The following MACROD2 variants were observed in gnomAD, a reference collection of about 807,000 sequenced individuals.
The protein encoded by MACROD2 is mono-ADP ribosylhydrolase 2.
In MACROD2, 36 loss-of-function variants were observed where a neutral mutation model predicts 70.4. That is an observed-to-expected ratio of 0.51 (90% CI 0.39 to 0.68). The LOEUF (loss-of-function observed/expected upper bound fraction) is 0.68. Among genes scored for constraint, MACROD2 ranks in the 30% least tolerant of loss-of-function variants. MACROD2 has a pLI of 0.00. For missense variants in MACROD2, 496 were observed against 538.4 expected (o/e 0.92, Z 0.78); for synonymous variants, 172 against 178.8 (o/e 0.96, Z 0.30).
chr20:15,222,333 G>A (rs17368757), intron 5 of MACROD2, among the ~76,000 whole-genome samples: 30,264 of 152,054 alleles, frequency 0.2, 3,233 homozygotes, highest in Non-Finnish European at 0.24. Flanking sequence ...AACAAACTTC[G>A]AAATGTGTAT....
intron 6 of MACROD2, among the ~76,000 whole-genome samples, chr20:15,286,094 G>T (rs1022965127): frequency 6.6e-6 from 1 of 152,108 alleles, no homozygotes; most frequent in Non-Finnish European, 1.5e-5. Context: ...TTAAAATGCT[G>T]AGAGAGAAAG....
intron 6 of MACROD2, among the ~76,000 whole-genome samples, chr20:15,393,898 TC>T (rs1252599373): frequency 2.0e-5 from 3 of 152,096 alleles, no homozygotes; most frequent in East Asian, 1.9e-4. Flanking sequence ...TGTATGCATG[TC>T]CCCCCCATGC....
intron 5 of MACROD2, among the ~76,000 whole-genome samples, chr20:15,159,308 C>T (rs927443632): frequency 1.7e-4 from 26 of 152,072 alleles, no homozygotes; most frequent in African/African-American, 5.8e-4. Flanking sequence ...TAGGTTCATT[C>T]TCTGCCTTTT....
intron 6 of MACROD2, among the ~76,000 whole-genome samples, chr20:15,411,775 T>C (rs1395139611): frequency 1.3e-5 from 2 of 152,226 alleles, no homozygotes; most frequent in Admixed American, 1.3e-4. Flanking sequence ...TCTTGCAAGC[T>C]CATTCTTCAT....
intron 3 of MACROD2, among the ~76,000 whole-genome samples, chr20:14,375,497 A>G (rs1443189835): frequency 1.3e-5 from 2 of 152,174 alleles, no homozygotes; most frequent in African/African-American, 4.8e-5. Flanking sequence ...ATCACATACT[A>G]TAAAGGTAGA....
chr20:15,259,222 A>G (rs1414335457), intron 6 of MACROD2, among the ~76,000 whole-genome samples: 1 of 152,014 alleles, frequency 6.6e-6, no homozygotes, highest in East Asian at 1.9e-4. Context: ...GCAATAGCAT[A>G]TGAGACAGAG....
At chr20:16,036,302 A>G (rs1370587779) in intron 15 of MACROD2, among the ~76,000 whole-genome samples, 4 of 150,656 alleles carry the variant, frequency 2.7e-5, no homozygotes, top group African/African-American at 9.7e-5. Context: ...AGCATCTCTC[A>G]CGTTTATATA....
At chr20:14,400,116 G>A (rs1047346372) in intron 3 of MACROD2, among the ~76,000 whole-genome samples, 17 of 152,088 alleles carry the variant, frequency 1.1e-4, no homozygotes, top group African/African-American at 2.4e-4. Flanking sequence ...TTGTTGACTG[G>A]ATGAGAGACA....
rs906880977 is a variant in MACROD2, at chr20:15,229,813, A to G, written c.419-127A>G. On this transcript the variant is annotated intron_variant, in intron 5 of 17. Transcript: ENST00000684519. ...TACCAGAGAAATATTTGCGTCGCCA[A>G]TGTATTGCTTAGCTTGCTTGTCTCC... The G allele has an allele frequency of 1.8e-5, 17 of 939,672 alleles. No individual in the cohort carries two copies. The African/African-American group carries it at 1.9e-4, about 10-fold the overall frequency. The allele number at this position is 939,672 out of a possible 1,614,324, so 58.2% of individuals were successfully genotyped here. A position where few individuals can be genotyped will look rare whatever the true frequency, so the allele number is the denominator to read the frequency against.
intron 7 of MACROD2, among the ~76,000 whole-genome samples, chr20:15,451,417 TAAAAAAAAAAAA>T (rs35308671): frequency 1.2e-5 from 1 of 83,382 alleles, no homozygotes; most frequent in African/African-American, 4.5e-5. Context: ...GGGTGGTAAA[TAAAAAAAAAAAA>T]AAAAAAAAAA....
chr20:15,195,929 A>G (rs1315942018), intron 5 of MACROD2, among the ~76,000 whole-genome samples: 1 of 152,226 alleles, frequency 6.6e-6, no homozygotes, highest in African/African-American at 2.4e-5. Context: ...TGTCTGTTGC[A>G]GGGATATAGA....
At chr20:14,083,359 GT>G (rs2054026720) in intron 2 of MACROD2, among the ~76,000 whole-genome samples, 4 of 151,526 alleles carry the variant, frequency 2.6e-5, no homozygotes, top group African/African-American at 9.7e-5. Flanking sequence ...GGAGATGGAG[GT>G]TGCAGTAAGC....
intron 5 of MACROD2, among the ~76,000 whole-genome samples, chr20:15,048,661 A>C (rs1313546613): frequency 6.6e-6 from 1 of 152,128 alleles, no homozygotes; most frequent in East Asian, 1.9e-4. Context: ...AGTAGCCTTT[A>C]AAATATTATT....
intron 3 of MACROD2, among the ~76,000 whole-genome samples, chr20:14,373,805 G>A (rs992268480): frequency 6.6e-6 from 1 of 151,982 alleles, no homozygotes; most frequent in African/African-American, 2.4e-5. Context: ...CCACAGTTAC[G>A]CGGTGTTACA....
chr20:14,474,571 A>T (rs1460228916), intron 3 of MACROD2, among the ~76,000 whole-genome samples: 1 of 152,084 alleles, frequency 6.6e-6, no homozygotes, highest in Non-Finnish European at 1.5e-5. Context: ...GTGGGGTATT[A>T]AAGTCTTCTA....
Position 15,081,531 on chromosome 20 carries a change from A to G in MACROD2, c.419-148409A>G, listed in dbSNP as rs149569988. Among the ~76,000 whole-genome samples the G allele has an allele frequency of 2.6e-5, 4 of 152,286 alleles. No individual in the cohort carries two copies. The East Asian group carries it at 7.7e-4, about 29-fold the overall frequency. The stretch of plus-strand genomic sequence containing the variant: ...TTGAACCAACCCCTGATGAAGTGTT[A>G]GACCACAGTTAATTGTATAAATCTG... On this transcript the variant is annotated intron_variant, in intron 5 of 17. Transcript: ENST00000684519.
At chr20:15,074,997 A>C (rs1049579428) in intron 5 of MACROD2, among the ~76,000 whole-genome samples, 1 of 152,198 alleles carries the variant, frequency 6.6e-6, no homozygotes, top group Non-Finnish European at 1.5e-5. Flanking sequence ...GTATTTAAAT[A>C]AGTAAGTAGA....
intron 7 of MACROD2, among the ~76,000 whole-genome samples, chr20:15,480,253 C>A (rs2047078667): frequency 6.6e-6 from 1 of 152,110 alleles, no homozygotes; most frequent in African/African-American, 2.4e-5. Context: ...CTCTAAACAC[C>A]CCCCCTTAAA....
intron 8 of MACROD2, among the ~76,000 whole-genome samples, chr20:15,687,777 G>A (rs2050247189): frequency 6.6e-6 from 1 of 152,094 alleles, no homozygotes. Flanking sequence ...CATTTGCTAG[G>A]TGGTGGCAGC....
Sources: gnomAD v4.1 joint callset for allele counts (sites outside exome capture counted in the v4.1 genomes callset) on GRCh38, gnomAD v4.1.1 for gene constraint, MANE v1.5 for transcripts, NCBI Gene and HGNC (gene_info 2026-07-23, HGNC 2026-07-21) for gene names.